Variants in CEP97 observed in about 807,000 individuals in gnomAD.
The protein encoded by CEP97 is centrosomal protein 97.
A neutral mutation model predicts 73.1 loss-of-function variants in CEP97; 43 were observed. The ratio of observed to expected loss-of-function variants is 0.59; its 90% confidence interval spans 0.46 to 0.76. CEP97 has a LOEUF of 0.76. Ranked by LOEUF, CEP97 falls within the 30% of genes least tolerant of loss-of-function variation. CEP97 has a pLI of 0.00. For synonymous variants in CEP97, 337 were observed against 370.0 expected, an observed-to-expected ratio of 0.91 and a Z score of 1.02; for missense variants, 939 against 1,014.0, an observed-to-expected ratio of 0.93 and a Z score of 1.00.
intron 1 of CEP97, 106 bp from the exon 2 acceptor site, chr3:101,726,488 C>A: frequency 2.7e-6 from 2 of 740,004 alleles, no homozygotes; most frequent in Non-Finnish European, 2.0e-6. Context: ...CTCTACTGTT[C>A]TTTAACTTGA....
In CEP97 at chr3:101,764,739, T is replaced by C. The variant is rs1156647418; in HGVS notation, c.1894-108T>C. On this transcript the variant is annotated intron_variant, in intron 10 of 10. Transcript: ENST00000341893. ...TTGATGCTGCAGTGAGCCATGATTG[T>C]GCTGCTGCACTCCAGCCTGGGTGAC... 23 of 910,006 alleles carry C rather than the reference T, an allele frequency of 2.5e-5. 1 individual carries two copies. The highest frequency in any genetic ancestry group is 3.4e-5 in the Non-Finnish European group (21 of 615,926). 56.4% of individuals were successfully genotyped at this position (910,006 alleles called of 1,614,324 possible).
At chr3:101,760,394 G>T (rs1261338164) in intron 9 of CEP97, among the ~76,000 whole-genome samples, 1 of 152,138 alleles carries the variant, frequency 6.6e-6, no homozygotes, top group East Asian at 1.9e-4. Flanking sequence ...ATTTTCATCA[G>T]CAATTCTTAG....
intron 6 of CEP97, among the ~76,000 whole-genome samples, chr3:101,737,487 GTC>G (rs1464702158): frequency 2.0e-5 from 3 of 152,174 alleles, no homozygotes; most frequent in Non-Finnish European, 4.4e-5. Context: ...TTAACAGCAG[GTC>G]TCTCTGCAGA....
At chr3:101,728,973 T>C (rs370330724) in intron 4 of CEP97, 36 bp downstream of exon 4, 13 of 1,166,888 alleles carry the variant, frequency 1.1e-5, no homozygotes, top group Non-Finnish European at 1.5e-5. Context: ...TGAAGTTTTA[T>C]AGCAAAATAC....
In CEP97 at chr3:101,728,841, G is replaced by GCT; in HGVS notation, c.351_352insCT (p.Glu118LeufsTer23). On this transcript the variant is annotated frameshift_variant, in exon 4 of 11. Coordinates refer to ENST00000341893, the MANE Select transcript of CEP97 (RefSeq NM_024548.4). LOFTEE classifies it high-confidence loss of function. Reference sequence around the variant, plus strand: ...TGATGCTTTTCTTGTGATAGGCCATGGAACAGATCAATAGCTGCACAGCTC... The same window carrying GCT: ...TGATGCTTTTCTTGTGATAGGCCATGCTGAACAGATCAATAGCTGCACAGCTC... The GCT allele has an allele frequency of 6.3e-7, 1 of 1,596,648 alleles. No homozygotes were observed. Among genetic ancestry groups the GCT allele is most frequent in the East Asian group, 2.2e-5 (1 of 44,776 alleles).
In CEP97 at chr3:101,757,215, T is replaced by C; in HGVS notation, c.1027+19T>C. The stretch of plus-strand genomic sequence containing the variant: ...GAAAGTGGTAAGAAATGAATTTATC[T>C]CTGATCCCTTTTCTCCAAGTTGTTT... On this transcript the variant is annotated intron_variant, in intron 8 of 10. Coordinates refer to ENST00000341893, the MANE Select transcript of CEP97 (RefSeq NM_024548.4). 1 of 1,590,954 alleles carries C rather than the reference T, an allele frequency of 6.3e-7. No homozygotes were observed.
At chr3:101,737,356 C>T (rs1938310102) in intron 6 of CEP97, among the ~76,000 whole-genome samples, 1 of 152,174 alleles carries the variant, frequency 6.6e-6, no homozygotes, top group South Asian at 2.1e-4. Context: ...CACAAAGATA[C>T]TCCTCGAGAA....
Position 101,727,410 on chromosome 3 carries a change from C to G in CEP97, c.214C>G (p.Arg72Gly). 1 of 1,613,280 alleles carries G rather than the reference C, an allele frequency of 6.2e-7. No homozygotes were observed. The highest frequency in any genetic ancestry group is 8.5e-7 in the Non-Finnish European group (1 of 1,179,634). Reference sequence around the variant, plus strand: ...ATCAGTAGCTAATAATCGGCTGGTTCGGATGATGGGTGTGGCCAAGCTGAC... The same window carrying G: ...ATCAGTAGCTAATAATCGGCTGGTTGGGATGATGGGTGTGGCCAAGCTGAC... ...QLSVANNRLVRMMGVAKLTLL... is the reference protein window; with the variant it reads ...QLSVANNRLVGMMGVAKLTLL... Residue 72 changes from arginine to glycine, a missense_variant, in exon 3 of 11, where the codon CGG becomes GGG. Transcript: ENST00000341893.
chr3:101,737,121 CTG>C (rs1938304839), intron 6 of CEP97, among the ~76,000 whole-genome samples: 1 of 152,008 alleles, frequency 6.6e-6, no homozygotes, highest in South Asian at 2.1e-4. Flanking sequence ...ATGAAATAAA[CTG>C]TGAAGACAAG....
chr3:101,759,098 A>C (rs1221918575), intron 9 of CEP97: 2 of 152,272 alleles, frequency 1.3e-5, no homozygotes, highest in Admixed American at 6.5e-5. Context: ...TAAACTTGGC[A>C]GTTGGAGGCT....
At chr3:101,739,581 T>C (rs1005049028) in intron 6 of CEP97, among the ~76,000 whole-genome samples, 3 of 152,102 alleles carry the variant, frequency 2.0e-5, no homozygotes, top group Admixed American at 1.3e-4. Context: ...CACATGATTA[T>C]CTCAATAGAT....
At chr3:101,728,979 A>G (rs751629696) in intron 4 of CEP97, 42 bp downstream of exon 4, 1 of 1,114,786 alleles carries the variant, frequency 9.0e-7, no homozygotes, top group South Asian at 1.3e-5. Context: ...TTTATAGCAA[A>G]ATACCAAGAG....
At chr3:101,743,673 C>T (rs2107156222) in intron 6 of CEP97, among the ~76,000 whole-genome samples, 1 of 152,160 alleles carries the variant, frequency 6.6e-6, no homozygotes, top group Non-Finnish European at 1.5e-5. Context: ...TGGGATTATA[C>T]ATTTGAGCCA....
intron 6 of CEP97, among the ~76,000 whole-genome samples, chr3:101,752,259 G>C (rs1296491573): frequency 6.6e-6 from 1 of 152,198 alleles, no homozygotes; most frequent in Non-Finnish European, 1.5e-5. Flanking sequence ...TCTGCCGAGA[G>C]ATCCGCTGTT....
intron 6 of CEP97, among the ~76,000 whole-genome samples, chr3:101,741,637 C>T (rs1357049582): frequency 1.3e-5 from 2 of 152,056 alleles, no homozygotes; most frequent in African/African-American, 2.4e-5. Context: ...GACATTTATG[C>T]GGCCAACAAT....
At chr3:101,753,750 G>A (rs13060963) in intron 6 of CEP97, among the ~76,000 whole-genome samples, 47,921 of 152,080 alleles carry the variant, frequency 0.32, 7,755 homozygotes, top group Non-Finnish European at 0.35. Context: ...TTTTAAGCCC[G>A]TTGGAAAAGC....
At chr3:101,752,481 G>A (rs968769212) in intron 6 of CEP97, among the ~76,000 whole-genome samples, 2 of 152,182 alleles carry the variant, frequency 1.3e-5, no homozygotes, top group African/African-American at 4.8e-5. Context: ...ATAATATCTT[G>A]CAGAGTGTTT....
chr3:101,736,007 G>A (rs1026234325), intron 6 of CEP97, among the ~76,000 whole-genome samples: 6 of 152,154 alleles, frequency 3.9e-5, no homozygotes, highest in Non-Finnish European at 8.8e-5. Flanking sequence ...CGAGCTTGTC[G>A]GGGGAGGGGC....
chr3:101,758,979 A>G (rs1939099443), intron 9 of CEP97: 1 of 153,798 alleles, frequency 6.5e-6, no homozygotes, highest in Non-Finnish European at 1.4e-5. Flanking sequence ...GCAGCAAAGG[A>G]TACTGAGAAG....
Sources: allele counts gnomAD v4.1 joint callset (sites outside exome capture counted in the v4.1 genomes callset), GRCh38; gene constraint gnomAD v4.1.1; transcripts MANE v1.5; gene names NCBI Gene and HGNC (gene_info 2026-07-23, HGNC 2026-07-21).